AKR1C8: variants seen among roughly 807,000 people sequenced by gnomAD.
AKR1C8 encodes the protein aldo-keto reductase family 1 member C-like protein 1.
chr10:5,128,984 C>G, the AKR1C8 span, among the ~76,000 whole-genome samples: 1 of 152,028 alleles, frequency 6.6e-6, no homozygotes, highest in Non-Finnish European at 1.5e-5. Flanking sequence ...AACATACATT[C>G]TTATCAGCAC....
the AKR1C8 span, among the ~76,000 whole-genome samples, chr10:5,126,723 C>T: frequency 1.3e-5 from 2 of 152,104 alleles, no homozygotes; most frequent in African/African-American, 4.8e-5. Context: ...AGACTGCTGC[C>T]ATTCCAACCC....
chr10:5,138,278 T>G, the AKR1C8 span, among the ~76,000 whole-genome samples: 1 of 152,026 alleles, frequency 6.6e-6, no homozygotes, highest in African/African-American at 2.4e-5. Flanking sequence ...TTTATAGACC[T>G]CACCCCAGTA....
chr10:5,148,216 TAGAG>T, the AKR1C8 span, among the ~76,000 whole-genome samples: 4 of 151,186 alleles, frequency 2.6e-5, no homozygotes, highest in East Asian at 5.8e-4. Context: ...GTATAGGAGA[TAGAG>T]AGGAGGAGGA....
At chr10:5,164,222 T>C in the AKR1C8 span, among the ~76,000 whole-genome samples, 19,441 of 152,158 alleles carry the variant, frequency 0.13, 1,506 homozygotes, top group Admixed American at 0.17. Flanking sequence ...AAGGCAAAGC[T>C]GAGTTACACT....
At chr10:5,147,460 A>T in the AKR1C8 span, among the ~76,000 whole-genome samples, 15 of 152,262 alleles carry the variant, frequency 9.9e-5, no homozygotes, top group African/African-American at 3.6e-4. Context: ...AGTCAAAAAC[A>T]AGTTATTTGC....
chr10:5,122,644 G>A, the AKR1C8 span, among the ~76,000 whole-genome samples: 102,331 of 151,962 alleles, frequency 0.67, 35,689 homozygotes, highest in African/African-American at 0.8. Context: ...CAAAGGGTAG[G>A]ACTCTGAGCA....
chr10:5,122,184 A>T, the AKR1C8 span: 2 of 374,830 alleles, frequency 5.3e-6, no homozygotes, highest in Non-Finnish European at 1.1e-5. Context: ...GGCAGGCGAT[A>T]CTCACATTCA....
the AKR1C8 span, among the ~76,000 whole-genome samples, chr10:5,158,348 C>T: frequency 6.6e-6 from 1 of 152,000 alleles, no homozygotes; most frequent in Non-Finnish European, 1.5e-5. Context: ...GCAAATCTTA[C>T]CTAAAGACCA....
the AKR1C8 span, among the ~76,000 whole-genome samples, chr10:5,175,492 G>C: frequency 6.6e-6 from 1 of 152,146 alleles, no homozygotes; most frequent in Non-Finnish European, 1.5e-5. Flanking sequence ...TATATACCCA[G>C]TAATGGGATG....
chr10:5,129,433 T>C, the AKR1C8 span, among the ~76,000 whole-genome samples: 163 of 151,898 alleles, frequency 1.1e-3, no homozygotes, highest in African/African-American at 3.8e-3. Context: ...AGAACAGAAC[T>C]AAATGAAATT....
At chr10:5,174,657 C>G in the AKR1C8 span, among the ~76,000 whole-genome samples, 79,733 of 151,726 alleles carry the variant, frequency 0.53, 21,974 homozygotes, top group Non-Finnish European at 0.6. Context: ...TTACACTAAA[C>G]TTAAAAATTA....
At chr10:5,184,256 C>A in the AKR1C8 span, among the ~76,000 whole-genome samples, 1 of 152,180 alleles carries the variant, frequency 6.6e-6, no homozygotes, top group Non-Finnish European at 1.5e-5. Flanking sequence ...TCCAGGCCCC[C>A]TCTCTACTCG....
the AKR1C8 span, among the ~76,000 whole-genome samples, chr10:5,135,678 G>A: frequency 4.0e-4 from 61 of 152,108 alleles, 1 homozygote; most frequent in South Asian, 6.2e-3. Flanking sequence ...AACAAGTCTC[G>A]TTTTTGTTCA....
chr10:5,139,870 T>C, the AKR1C8 span, among the ~76,000 whole-genome samples: 129 of 152,028 alleles, frequency 8.5e-4, 1 homozygote, highest in Admixed American at 8.3e-3. Flanking sequence ...ACCTACAGAA[T>C]GGGAGAAAAT....
chr10:5,167,088 C>G, the AKR1C8 span, among the ~76,000 whole-genome samples: 46 of 152,248 alleles, frequency 3.0e-4, no homozygotes, highest in African/African-American at 1.1e-3. Context: ...AATGAGATAC[C>G]ATCTCACACC....
the AKR1C8 span, among the ~76,000 whole-genome samples, chr10:5,171,500 GC>G: frequency 6.6e-6 from 1 of 151,888 alleles, no homozygotes; most frequent in Non-Finnish European, 1.5e-5. Flanking sequence ...ATTTGACAAT[GC>G]TTTCTGCATG....
the AKR1C8 span, among the ~76,000 whole-genome samples, chr10:5,133,211 C>T: frequency 6.6e-6 from 1 of 152,050 alleles, no homozygotes; most frequent in Admixed American, 6.6e-5. Flanking sequence ...ATCCTCTCAC[C>T]TCCGTCTCCC....
At chr10:5,149,385 ATAAT>A in the AKR1C8 span, among the ~76,000 whole-genome samples, 1 of 152,170 alleles carries the variant, frequency 6.6e-6, no homozygotes, top group African/African-American at 2.4e-5. Flanking sequence ...TGCAACAAGA[ATAAT>A]TATTGTTCAA....
chr10:5,117,754 G>A, the AKR1C8 span, among the ~76,000 whole-genome samples: 4 of 152,140 alleles, frequency 2.6e-5, no homozygotes, highest in Non-Finnish European at 5.9e-5. Context: ...AGTTCACAGA[G>A]TGAGAGAGGA....
Sources: allele counts gnomAD v4.1 joint callset (sites outside exome capture counted in the v4.1 genomes callset), GRCh38; gene constraint gnomAD v4.1.1; transcripts MANE v1.5; gene names NCBI Gene and HGNC (gene_info 2026-07-23, HGNC 2026-07-21).